GPC4: variants seen among roughly 807,000 people sequenced by gnomAD.
GPC4 encodes the protein glypican 4.
GPC4 carries 10 observed loss-of-function variants against 35.0 expected under a neutral mutation model. That is an observed-to-expected ratio of 0.29 (90% CI 0.18 to 0.48). The LOEUF is 0.48. Ranked by LOEUF, GPC4 falls within the 20% of genes least tolerant of loss-of-function variation. The probability of loss-of-function intolerance (pLI) is 0.99; values close to 1 mark genes in which losing one functional copy is unlikely to be tolerated. For missense variants in GPC4, 322 were observed against 451.3 expected (o/e 0.71, Z 2.60); for synonymous variants, 167 against 170.2 (o/e 0.98, Z 0.15).
At position 133,301,766 on chromosome X, in the gene GPC4, A is replaced by T. The variant is rs985035385; in HGVS notation, c.*1101T>A. ...TCTTAAAACAAAAACTGGGATCCCA[A>T]AACAAATGGAGATACACATGCACAG... On this transcript the variant is annotated 3_prime_UTR_variant, in exon 9 of 9. Transcript: ENST00000370828. The T allele has an allele frequency of 6.2e-5, 7 of 112,274 alleles. No homozygotes were observed. The highest frequency in any genetic ancestry group is 4.7e-4 in the Admixed American group (5 of 10,585). 9.3% of individuals were successfully genotyped at this position (112,274 alleles called of 1,213,427 possible).
intron 1 of GPC4, among the ~76,000 whole-genome samples, chrX:133,340,996 A>G (rs768589612): frequency 2.7e-5 from 3 of 109,277 alleles, no homozygotes; most frequent in Non-Finnish European, 5.6e-5. Flanking sequence ...CTAACAGAAA[A>G]AAAAGGGAAA....
chrX:133,400,044 A>G (rs2068761710), intron 1 of GPC4, among the ~76,000 whole-genome samples: 1 of 112,225 alleles, frequency 8.9e-6, no homozygotes, highest in African/African-American at 3.2e-5. Context: ...TGGAATGTGC[A>G]CTTTTGTTTT....
intron 1 of GPC4, among the ~76,000 whole-genome samples, chrX:133,350,066 CGTG>C (rs757738641): frequency 2.6e-4 from 29 of 111,794 alleles, no homozygotes; most frequent in Non-Finnish European, 4.9e-4. Context: ...CAAAATACAG[CGTG>C]GTAAGAGGTT....
intron 3 of GPC4, among the ~76,000 whole-genome samples, chrX:133,315,549 C>T (rs182551536): frequency 9.0e-6 from 1 of 111,320 alleles, no homozygotes; most frequent in East Asian, 2.9e-4. Flanking sequence ...ACATTCTACT[C>T]CCTGGTAACC....
chrX:133,392,093 C>T (rs911284018), intron 1 of GPC4, among the ~76,000 whole-genome samples: 1 of 108,369 alleles, frequency 9.2e-6, no homozygotes, highest in African/African-American at 3.4e-5. Context: ...ATTAGCTGGG[C>T]GTGGTGGTGC....
intron 1 of GPC4, among the ~76,000 whole-genome samples, chrX:133,380,052 G>A (rs1191469858): frequency 1.8e-5 from 2 of 110,753 alleles, no homozygotes; most frequent in Non-Finnish European, 3.8e-5. Context: ...TACATGTGAT[G>A]TGGGCCGGGC....
At chrX:133,370,208 C>T (rs950862328) in intron 1 of GPC4, among the ~76,000 whole-genome samples, 3 of 111,823 alleles carry the variant, frequency 2.7e-5, no homozygotes, top group East Asian at 5.6e-4. Context: ...TTTTTGTTCA[C>T]GTCAGAAGCA....
chrX:133,308,659 G>A (rs186394858), intron 4 of GPC4, among the ~76,000 whole-genome samples: 1 of 111,485 alleles, frequency 9.0e-6, no homozygotes, highest in African/African-American at 3.3e-5. Flanking sequence ...ATGGCAACAA[G>A]AAGACGGATT....
At chrX:133,405,104 CTTT>C (rs746824918) in intron 1 of GPC4, among the ~76,000 whole-genome samples, 143 of 67,147 alleles carry the variant, frequency 2.1e-3, no homozygotes, top group African/African-American at 9.4e-3. Context: ...CAATAGAACT[CTTT>C]TTTTTTTTTT....
intron 1 of GPC4, among the ~76,000 whole-genome samples, chrX:133,356,587 A>T (rs867531163): frequency 9.0e-6 from 1 of 110,877 alleles, no homozygotes; most frequent in African/African-American, 3.3e-5. Flanking sequence ...GTTGGCAAAG[A>T]GCTTGGCACC....
Position 133,303,187 on chromosome X carries a change from C to A in GPC4, c.1447G>T (p.Asp483Tyr). 2 of 1,211,531 alleles carry A rather than the reference C, an allele frequency of 1.7e-6. No homozygotes were observed. The highest frequency in any genetic ancestry group is 2.2e-6 in the Non-Finnish European group (2 of 895,381). ...SKMKNAYNGN[D>Y]VDFFDISDES... ...TTACTGATATCAAAGAAGTCCACGT[C>A]GTTCCCATTGTATGCATTCTTCATC... Residue 483 changes from aspartate (D) to tyrosine (Y), a missense_variant, in exon 8 of 9, where the codon GAC (aspartate) becomes TAC (tyrosine). Transcript: ENST00000370828.
chrX:133,376,197 G>T (rs1344369670), intron 1 of GPC4, among the ~76,000 whole-genome samples: 2 of 112,413 alleles, frequency 1.8e-5, no homozygotes, highest in African/African-American at 6.5e-5. Context: ...GTGTGCTCAG[G>T]CCAGCAGCCG....
Position 133,415,093 on chromosome X carries a change from G to A in GPC4, c.-128C>T. On this transcript the variant is annotated 5_prime_UTR_variant, in exon 1 of 9. Transcript: ENST00000370828. Reference sequence around the variant, plus strand: ...GCTGGAGGGAGAAGGAGTTGGAGTTGGTGGAAGAGGCGAGCAGGCGGAGGA... The same window carrying A: ...GCTGGAGGGAGAAGGAGTTGGAGTTAGTGGAAGAGGCGAGCAGGCGGAGGA... 1.5e-6 allele frequency: 1 copy of A among 662,343 alleles called. No individual in the cohort carries two copies. The highest frequency in any genetic ancestry group is 2.2e-6 in the Non-Finnish European group (1 of 449,921). The allele number at this position is 662,343 out of a possible 1,213,427, so 54.6% of individuals were successfully genotyped here.
At chrX:133,352,486 A>G (rs2068520555) in intron 1 of GPC4, among the ~76,000 whole-genome samples, 1 of 110,152 alleles carries the variant, frequency 9.1e-6, no homozygotes, top group African/African-American at 3.3e-5. Flanking sequence ...GGTTTGACAA[A>G]TCAGAAGTCA....
chrX:133,307,661 T>C (rs2068296650), intron 4 of GPC4, among the ~76,000 whole-genome samples: 1 of 111,858 alleles, frequency 8.9e-6, no homozygotes, highest in African/African-American at 3.3e-5. Context: ...GTGTTCATCA[T>C]TGTCAAATCA....
chrX:133,404,582 C>T (rs1455747347), intron 1 of GPC4, among the ~76,000 whole-genome samples: 1 of 92,569 alleles, frequency 1.1e-5, no homozygotes, highest in Non-Finnish European at 2.1e-5. Flanking sequence ...GCAGAGGGGC[C>T]GGGCGTGGTG....
chrX:133,384,484 G>A (rs1413668314), intron 1 of GPC4, among the ~76,000 whole-genome samples: 2 of 111,569 alleles, frequency 1.8e-5, no homozygotes, highest in Non-Finnish European at 3.8e-5. Context: ...GAAAGGTTAC[G>A]TAAGGATGCA....
At chrX:133,398,532 T>G (rs923421364) in intron 1 of GPC4, among the ~76,000 whole-genome samples, 75 of 111,042 alleles carry the variant, frequency 6.8e-4, no homozygotes, top group African/African-American at 2.3e-3. Context: ...TTTTGGGAGG[T>G]TGAAGCGGGT....
chrX:133,332,450 A>G (rs2068424997), intron 2 of GPC4, among the ~76,000 whole-genome samples: 1 of 110,957 alleles, frequency 9.0e-6, no homozygotes, highest in South Asian at 3.9e-4. Flanking sequence ...CCCAGGCTGG[A>G]GTGCAGTGGT....
Sources: gnomAD v4.1 joint callset for allele counts (sites outside exome capture counted in the v4.1 genomes callset) on GRCh38, gnomAD v4.1.1 for gene constraint, MANE v1.5 for transcripts, NCBI Gene and HGNC (gene_info 2026-07-23, HGNC 2026-07-21) for gene names.